The following KLRG1 variants were observed in gnomAD, a reference collection of about 807,000 sequenced individuals.
KLRG1 encodes killer cell lectin like receptor G1.
Under a neutral mutation model 21.8 loss-of-function variants are expected in KLRG1, and 16 were observed. The ratio of observed to expected loss-of-function variants is 0.73; its 90% confidence interval spans 0.50 to 1.11. The LOEUF is 1.11. KLRG1 is among the 50% of genes most tolerant of loss of function. The pLI is 0.00. For synonymous variants in KLRG1, 69 were observed against 75.9 expected, an observed-to-expected ratio of 0.91 and a Z score of 0.47; for missense variants, 173 against 218.3, an observed-to-expected ratio of 0.79 and a Z score of 1.31.
At chr12:9,021,784 A>G in the KLRG1 span, among the ~76,000 whole-genome samples, 2 of 152,026 alleles carry the variant, frequency 1.3e-5, no homozygotes, top group African/African-American at 2.4e-5. Context: ...ACTGTCTTCC[A>G]CCTCCACATC....
the KLRG1 span, among the ~76,000 whole-genome samples, chr12:9,133,426 C>T: frequency 6.6e-6 from 1 of 152,112 alleles, no homozygotes; most frequent in Non-Finnish European, 1.5e-5. Flanking sequence ...CCACATGTTC[C>T]TGCCATTGGG....
chr12:9,110,101 T>G, the KLRG1 span: 5 of 1,516,992 alleles, frequency 3.3e-6, no homozygotes, highest in Non-Finnish European at 4.5e-6. Context: ...AAAAGATATC[T>G]ATGGAAACCC....
chr12:9,201,914 T>C, the KLRG1 span, among the ~76,000 whole-genome samples: 1 of 152,084 alleles, frequency 6.6e-6, no homozygotes, highest in Non-Finnish European at 1.5e-5. Flanking sequence ...TTCTATACTA[T>C]ATGTATCGAA....
the KLRG1 span, among the ~76,000 whole-genome samples, chr12:9,031,612 A>C: frequency 1.3e-5 from 2 of 152,240 alleles, no homozygotes; most frequent in Admixed American, 1.3e-4. Flanking sequence ...TTCTGAGCTA[A>C]ATATGAGTGA....
the KLRG1 span, among the ~76,000 whole-genome samples, chr12:9,029,891 G>A: frequency 6.6e-6 from 1 of 151,976 alleles, no homozygotes; most frequent in Non-Finnish European, 1.5e-5. Flanking sequence ...CGAGTAGCTG[G>A]GATTACAGGC....
the KLRG1 span, chr12:9,112,431 C>T: frequency 6.2e-7 from 1 of 1,613,862 alleles, no homozygotes; most frequent in Non-Finnish European, 8.5e-7. Flanking sequence ...ACCAGACTGT[C>T]CTCGTTCTTA....
chr12:9,079,658 G>A, the KLRG1 span: 1 of 1,613,336 alleles, frequency 6.2e-7, no homozygotes, highest in Non-Finnish European at 8.5e-7. Flanking sequence ...GATAGCCAAT[G>A]GCCTTGGACT....
intron 1 of KLRG1, among the ~76,000 whole-genome samples, chr12:8,991,657 T>TA (rs34418338): frequency 0.34 from 50,791 of 151,016 alleles, 9,582 homozygotes; most frequent in South Asian, 0.43. Flanking sequence ...CCATATCAGT[T>TA]AAAAAAAAAG....
chr12:8,951,173 T>TC (rs1452874764), intron 1 of KLRG1, among the ~76,000 whole-genome samples: 1 of 152,184 alleles, frequency 6.6e-6, no homozygotes, highest in Non-Finnish European at 1.5e-5. Context: ...TGTTGTTTCC[T>TC]TTTTTCAAAA....
At chr12:9,173,210 C>G in the KLRG1 span, among the ~76,000 whole-genome samples, 1 of 152,180 alleles carries the variant, frequency 6.6e-6, no homozygotes, top group Non-Finnish European at 1.5e-5. Flanking sequence ...GAATAAACTG[C>G]TCCTGAATGA....
chr12:9,197,418 TA>T, the KLRG1 span, among the ~76,000 whole-genome samples: 2 of 138,082 alleles, frequency 1.4e-5, no homozygotes, highest in Non-Finnish European at 3.0e-5. Flanking sequence ...AATGTTTAAT[TA>T]AAATAATTAT....
At chr12:9,129,274 T>A in the KLRG1 span, among the ~76,000 whole-genome samples, 61 of 152,336 alleles carry the variant, frequency 4.0e-4, no homozygotes, top group African/African-American at 1.5e-3. Context: ...TGATGATACA[T>A]TTATTATTTC....
At chr12:9,192,215 A>C in the KLRG1 span, 1 of 1,613,882 alleles carries the variant, frequency 6.2e-7, no homozygotes, top group Non-Finnish European at 8.5e-7. Flanking sequence ...CCACAGGCAG[A>C]GTGTGGGTTC....
At chr12:9,196,580 C>T in the KLRG1 span, 5 of 1,606,432 alleles carry the variant, frequency 3.1e-6, no homozygotes, top group Admixed American at 1.7e-5. Context: ...CCTGTCCCCT[C>T]TTCTCTGATC....
chr12:9,180,978 C>T, the KLRG1 span: 1 of 1,610,922 alleles, frequency 6.2e-7, no homozygotes, highest in Non-Finnish European at 8.5e-7. Flanking sequence ...CCACTGGAAA[C>T]TCACTGAGGA....
chr12:9,074,556 C>T, the KLRG1 span: 492 of 1,604,128 alleles, frequency 3.1e-4, 6 homozygotes, highest in East Asian at 9.0e-3. Flanking sequence ...GGCAAATCAC[C>T]AACCTGGGTG....
the KLRG1 span, chr12:9,099,437 C>A: frequency 6.3e-7 from 1 of 1,597,050 alleles, no homozygotes; most frequent in East Asian, 2.3e-5. Context: ...ATCACGTCCC[C>A]GGTAGGTAAA....
chr12:9,196,964 A>G, the KLRG1 span: 1 of 1,362,204 alleles, frequency 7.3e-7, no homozygotes. Context: ...ATGGAGTCTC[A>G]CTGGTTGTAA....
the KLRG1 span, among the ~76,000 whole-genome samples, chr12:9,121,433 C>T: frequency 7.0e-4 from 106 of 152,072 alleles, 1 homozygote; most frequent in South Asian, 8.1e-3. The surrounding 1 kb of genome is among the most constrained non-coding windows in gnomAD (Gnocchi z 4.4). Flanking sequence ...CCCAGCTGCA[C>T]GGGAGACTGA....
Sources: allele counts gnomAD v4.1 joint callset (sites outside exome capture counted in the v4.1 genomes callset), GRCh38; gene constraint gnomAD v4.1.1; non-coding constraint Gnocchi (gnomAD v3.1); transcripts MANE v1.5; gene names NCBI Gene and HGNC (gene_info 2026-07-23, HGNC 2026-07-21).